Variants in SYCP1 observed in about 807,000 individuals in gnomAD.
SYCP1 encodes the protein synaptonemal complex protein 1.
A neutral mutation model predicts 153.1 loss-of-function variants in SYCP1; 64 were observed. That is an observed-to-expected ratio of 0.42 (90% CI 0.34 to 0.51). SYCP1 has a LOEUF of 0.51. Ranked by LOEUF, SYCP1 falls within the 20% of genes least tolerant of loss-of-function variation. The pLI is 0.06. For missense variants in SYCP1, 997 were observed against 1,049.0 expected (o/e 0.95, Z 0.68); for synonymous variants, 384 against 341.8 (o/e 1.12, Z -1.36).
Position 114,864,129 on chromosome 1 carries a change from TAA to T in SYCP1, c.598+3332_598+3333del, listed in dbSNP as rs766421366. Among the ~76,000 whole-genome samples the T allele has an allele frequency of 1.3e-4, 18 of 140,498 alleles. 1 individual carries two copies. The South Asian group carries it at 1.6e-3, about 12-fold the overall frequency. 92.2% of individuals were successfully genotyped at this position (140,498 alleles called of 152,430 possible). On this transcript the variant is annotated intron_variant, in intron 8 of 31. Coordinates refer to ENST00000369522, the MANE Select transcript of SYCP1 (RefSeq NM_003176.4). ...CATTCTGCACATGTATCCCAGAACT[TAA>T]AAAAAAAAAAAGAGTATACAGTCTA...
Position 114,874,560 on chromosome 1 carries a change from T to C in SYCP1, c.653T>C (p.Ile218Thr). Residue 218 changes from isoleucine (I) to threonine (T), a missense_variant, in exon 9 of 32, where the codon ATT (isoleucine) becomes ACT (threonine). This residue lies in a region of SYCP1 where 285 missense variants were observed against 366.1 expected (regional missense o/e 0.78). Coordinates refer to ENST00000369522, the MANE Select transcript of SYCP1 (RefSeq NM_003176.4). ...GTTTATATGGATCTAAATAATAACA[T>C]TGAGGTGAGTGTTAATGAAATCTGA... Reference protein sequence around the residue: ...RQVYMDLNNNIEKMITAFEEL... With the variant: ...RQVYMDLNNNTEKMITAFEEL... 1.9e-6 allele frequency: 3 copies of C among 1,568,712 alleles called. No homozygotes were observed. Among genetic ancestry groups the C allele is most frequent in the East Asian group, 4.5e-5 (2 of 43,990 alleles).
intron 23 of SYCP1, among the ~76,000 whole-genome samples, chr1:114,942,859 A>C (rs1218769131): frequency 6.6e-6 from 1 of 151,982 alleles, no homozygotes; most frequent in Non-Finnish European, 1.5e-5. Context: ...GTTACTTGGA[A>C]AGTAAAGTAA....
At chr1:114,867,511 A>G (rs181315108) in intron 8 of SYCP1, among the ~76,000 whole-genome samples, 4 of 152,150 alleles carry the variant, frequency 2.6e-5, no homozygotes, top group African/African-American at 9.6e-5. Context: ...TTTTTTGTAT[A>G]CTAATGTAAA....
rs538417371 is a variant in SYCP1 at position 114,890,113 on chromosome 1, A to G, written c.1258+2420A>G. On this transcript the variant is annotated intron_variant, in intron 15 of 31. Transcript: ENST00000369522. ...TATTCTAGAATTGTGAAATAGAACC[A>G]TGTGTGTTTTTTAGCATTGCCTTAG... Among the ~76,000 whole-genome samples the G allele has an allele frequency of 5.5e-4, 84 of 152,144 alleles. 2 individuals carry two copies. In the South Asian group the frequency reaches 0.015, roughly 27 times the overall value.
chr1:114,924,766 G>A (rs1354361403), intron 21 of SYCP1, among the ~76,000 whole-genome samples: 1 of 151,994 alleles, frequency 6.6e-6, no homozygotes, highest in East Asian at 1.9e-4. Flanking sequence ...GTAGGGAGAG[G>A]TAAGCATGGA....
intron 23 of SYCP1, among the ~76,000 whole-genome samples, chr1:114,932,035 C>A (rs1157865690): frequency 1.3e-5 from 2 of 151,996 alleles, no homozygotes; most frequent in Admixed American, 6.6e-5. Context: ...AAACCTTGAC[C>A]CTTACATCAG....
At chr1:114,957,432 A>G (rs912254664) in intron 27 of SYCP1, among the ~76,000 whole-genome samples, 3 of 152,234 alleles carry the variant, frequency 2.0e-5, no homozygotes, top group African/African-American at 4.8e-5. Context: ...GAAAGCAAAA[A>G]TGGATAAAAC....
intron 23 of SYCP1, among the ~76,000 whole-genome samples, chr1:114,927,091 G>A (rs1669305495): frequency 1.3e-5 from 2 of 151,938 alleles, no homozygotes; most frequent in African/African-American, 4.8e-5. Context: ...ATTATGAATG[G>A]AAAACAGCAT....
chr1:114,950,559 T>C (rs1320560459), intron 27 of SYCP1, among the ~76,000 whole-genome samples: 1 of 152,170 alleles, frequency 6.6e-6, no homozygotes, highest in Non-Finnish European at 1.5e-5. Context: ...TATACTGAGA[T>C]TGGACTAACA....
chr1:114,869,336 T>C (rs1664964555), intron 8 of SYCP1, among the ~76,000 whole-genome samples: 1 of 152,218 alleles, frequency 6.6e-6, no homozygotes, highest in African/African-American at 2.4e-5. Context: ...CATTTTGTGA[T>C]TTTCCAGGTA....
At chr1:114,924,587 A>G (rs1669132561) in intron 21 of SYCP1, among the ~76,000 whole-genome samples, 1 of 152,174 alleles carries the variant, frequency 6.6e-6, no homozygotes, top group African/African-American at 2.4e-5. Flanking sequence ...TGGTGGATAC[A>G]AGTATAGCAG....
At chr1:114,943,369 A>C (rs966401867) in intron 23 of SYCP1, among the ~76,000 whole-genome samples, 2 of 151,924 alleles carry the variant, frequency 1.3e-5, no homozygotes, top group African/African-American at 2.4e-5. Context: ...AATTGATTAC[A>C]TAAACAGTGT....
chr1:114,936,414 G>A (rs966358437), intron 23 of SYCP1, among the ~76,000 whole-genome samples: 12 of 152,026 alleles, frequency 7.9e-5, no homozygotes, highest in African/African-American at 2.7e-4. Flanking sequence ...AAAATAATAA[G>A]AGCTATTTAT....
intron 2 of SYCP1, among the ~76,000 whole-genome samples, chr1:114,855,940 A>G (rs1663908485): frequency 6.6e-6 from 1 of 152,228 alleles, no homozygotes; most frequent in Non-Finnish European, 1.5e-5. Flanking sequence ...AAATGCCTAT[A>G]TATGAATAAT....
intron 27 of SYCP1, among the ~76,000 whole-genome samples, chr1:114,970,555 T>C (rs1672419424): frequency 6.6e-6 from 1 of 152,062 alleles, no homozygotes; most frequent in Non-Finnish European, 1.5e-5. Flanking sequence ...AGAGGAAAGA[T>C]CTGGGACTCA....
intron 27 of SYCP1, among the ~76,000 whole-genome samples, chr1:114,959,315 A>T (rs1671636429): frequency 6.6e-6 from 1 of 152,166 alleles, no homozygotes. Context: ...CAGAAATTCT[A>T]CTTGGTCTTG....
At chr1:114,973,522 T>C (rs1672620202) in intron 27 of SYCP1, among the ~76,000 whole-genome samples, 1 of 152,056 alleles carries the variant, frequency 6.6e-6, no homozygotes, top group Non-Finnish European at 1.5e-5. Context: ...CTTTCACCAA[T>C]ACTATACAAG....
chr1:114,964,611 A>T (rs1378675577), intron 27 of SYCP1, among the ~76,000 whole-genome samples: 1 of 152,114 alleles, frequency 6.6e-6, no homozygotes, highest in African/African-American at 2.4e-5. Context: ...CAGTTTTCCC[A>T]ATACCATTTA....
Position 114,888,103 on chromosome 1 carries a change from C to T in SYCP1, c.1258+410C>T, listed in dbSNP as rs113844137. Reference sequence around the variant, plus strand: ...TGTACTATTCACAGGAAAATGTGATCCTATTTTATCATAAGGTGTTATTAA... The same window carrying T: ...TGTACTATTCACAGGAAAATGTGATTCTATTTTATCATAAGGTGTTATTAA... On this transcript the variant is annotated intron_variant, in intron 15 of 31. Transcript: ENST00000369522. Among the ~76,000 whole-genome samples the T allele has an allele frequency of 9.2e-3, 1,405 of 152,094 alleles. 14 individuals are homozygous for T. The highest frequency in any genetic ancestry group is 0.014 in the Non-Finnish European group (952 of 67,944).
Sources: allele counts gnomAD v4.1 joint callset (sites outside exome capture counted in the v4.1 genomes callset), GRCh38; gene constraint gnomAD v4.1.1; regional missense constraint gnomAD v4.1.1; transcripts MANE v1.5; gene names NCBI Gene and HGNC (gene_info 2026-07-23, HGNC 2026-07-21).